Variants in TRPV1 observed in about 807,000 individuals in gnomAD.
TRPV1 encodes the protein transient receptor potential cation channel subfamily V member 1.
TRPV1 carries 82 observed loss-of-function variants against 82.3 expected under a neutral mutation model. The ratio of observed to expected loss-of-function variants is 1.00; its 90% CI spans 0.83 to 1.20. The LOEUF (loss-of-function observed/expected upper bound fraction) is 1.20, where lower values mean the gene tolerates loss of function less well. Among genes scored for constraint, TRPV1 ranks in the 50% most tolerant of loss-of-function variants. The pLI is 0.00. For missense variants in TRPV1, 1,067 were observed against 1,096.8 expected, an observed-to-expected ratio of 0.97 and a Z score of 0.38; for synonymous variants, 515 against 467.7, an observed-to-expected ratio of 1.10 and a Z score of -1.30.
At chr17:3,581,405 G>A (rs1195356695) in intron 10 of TRPV1, among the ~76,000 whole-genome samples, 2 of 152,116 alleles carry the variant, frequency 1.3e-5, no homozygotes, top group African/African-American at 2.4e-5. Flanking sequence ...GGCCAATCCT[G>A]CTTTTGCCAT....
intron 15 of TRPV1, 120 bp from the exon 16 acceptor site, chr17:3,571,759 G>A: frequency 1.4e-6 from 1 of 736,092 alleles, no homozygotes; most frequent in Non-Finnish European, 2.3e-6. Flanking sequence ...GTGGGTCGGG[G>A]AGGGCAGAGA....
In TRPV1 at chr17:3,604,603, C is replaced by CAA. The variant is rs61400031; in HGVS notation, c.-34+3822_-34+3823dup. On this transcript the variant is annotated intron_variant, in intron 2 of 16. Coordinates refer to ENST00000572705, the MANE Select transcript of TRPV1 (RefSeq NM_080704.4). ...ACAGAGGAAGACTCTCAAAAAGTCTCAAAAAAAAAAAAAGAAAAAGAAAAA... is the reference window on the plus strand; with the variant it reads ...ACAGAGGAAGACTCTCAAAAAGTCTCAAAAAAAAAAAAAAAGAAAAAGAAAAA... 7.9e-3 allele frequency among the ~76,000 whole-genome samples: 919 copies of CAA among 116,702 alleles called. 2 individuals carry two copies. Among genetic ancestry groups the CAA allele is most frequent in the Middle Eastern group, 0.014 (3 of 214 alleles). 76.6% of individuals were successfully genotyped at this position (116,702 alleles called of 152,430 possible). A position where few individuals can be genotyped will look rare whatever the true frequency, so the allele number is the denominator to read the frequency against.
chr17:3,582,777 G>A (rs2075037527), intron 10 of TRPV1, among the ~76,000 whole-genome samples: 1 of 151,866 alleles, frequency 6.6e-6, no homozygotes, highest in Admixed American at 6.6e-5. Flanking sequence ...GGCCAACATG[G>A]TGAAACCCCA....
chr17:3,586,002 C>T, intron 8 of TRPV1, 76 bp from the exon 9 acceptor site: 15 of 1,568,202 alleles, frequency 9.6e-6, no homozygotes, highest in Non-Finnish European at 4.3e-6. Context: ...CCCGTGGTGC[C>T]CCTCACAGCC....
At chr17:3,600,596 C>A (rs2075253885) in intron 2 of TRPV1, among the ~76,000 whole-genome samples, 1 of 151,894 alleles carries the variant, frequency 6.6e-6, no homozygotes, top group Non-Finnish European at 1.5e-5. Flanking sequence ...TTAAAAAAAA[C>A]AAAACGAAAC....
chr17:3,599,591 T>C (rs1386244845), intron 2 of TRPV1, among the ~76,000 whole-genome samples: 4 of 152,000 alleles, frequency 2.6e-5, no homozygotes, highest in African/African-American at 9.7e-5. Flanking sequence ...TCAAGGTTCA[T>C]CCATGTAGTA....
chr17:3,591,934 TG>T (rs2150849739), intron 3 of TRPV1, 132 bp downstream of exon 3: 1 of 1,322,940 alleles, frequency 7.6e-7, no homozygotes, highest in Non-Finnish European at 1.0e-6. Context: ...GGAAGGACGC[TG>T]GACCAGACCA....
Position 3,585,825 on chromosome 17 carries a change from G to T in TRPV1, c.1326C>A (p.Tyr442Ter). Residue 442 changes from tyrosine to a stop codon, truncating the protein, a stop_gained, in exon 9 of 17, where the codon TAC (tyrosine) becomes TAA (stop). Coordinates refer to ENST00000572705, the MANE Select transcript of TRPV1 (RefSeq NM_080704.4). LOFTEE classifies it high-confidence loss of function. ...TGGTGAAGATGATCATGTACAGGCA[G>T]TAGACCAGGAAGTTGAAGTAGAAGA... ...KRIFYFNFLV[Y>*]CLYMIIFTMA... is the part of the protein sequence containing the mutation. The T allele has an allele frequency of 1.2e-6, 2 of 1,613,930 alleles. No individual in the cohort carries two copies. The highest frequency in any genetic ancestry group is 4.5e-5 in the East Asian group (2 of 44,878).
At chr17:3,569,963 GGGTCAGGGAGGAGGGGCCAAGC>G (rs749699812) in intron 16 of TRPV1, among the ~76,000 whole-genome samples, 5,810 of 95,702 alleles carry the variant, frequency 0.061, 439 homozygotes, top group African/African-American at 0.15. Context: ...AGGGGCCAAG[GGGTCAGGGAGGAGGGGCCAAGC>G]GGTCAGGGAG....
intron 2 of TRPV1, among the ~76,000 whole-genome samples, chr17:3,595,022 A>G (rs3744684): frequency 0.22 from 32,827 of 152,076 alleles, 4,025 homozygotes; most frequent in South Asian, 0.28. Flanking sequence ...TGCATGGATG[A>G]TGCTTTGGAA....
intron 11 of TRPV1, among the ~76,000 whole-genome samples, chr17:3,579,537 G>A (rs1354513577): frequency 6.6e-6 from 1 of 152,100 alleles, no homozygotes; most frequent in Non-Finnish European, 1.5e-5. Flanking sequence ...ATGCAATGGC[G>A]CGATCTGGGC....
At chr17:3,583,285 G>A in intron 10 of TRPV1, 53 bp downstream of exon 10, 1 of 1,470,576 alleles carries the variant, frequency 6.8e-7, no homozygotes, top group South Asian at 1.2e-5. Context: ...GGATCTTCTT[G>A]GCTTTTTGTT....
At chr17:3,580,650 G>A in intron 10 of TRPV1, 123 bp from the exon 11 acceptor site, 1 of 1,007,908 alleles carries the variant, frequency 9.9e-7, no homozygotes, top group Non-Finnish European at 1.5e-6. Context: ...CACAGATTGT[G>A]AAAAGAGCAG....
chr17:3,591,305 C>A lies in TRPV1; in HGVS notation c.333G>T (p.Arg111Ser). ...CAAAGATACTCCTGCGATCATAGAG[C>A]CTGAGGGTCTTCTCGGTGCTGGCGG... The part of the protein sequence containing the change: ...SVAASTEKTL[R>S]LYDRRSIFEA... Residue 111 changes from arginine to serine, a missense_variant, in exon 4 of 17, where the codon AGG (arginine) becomes AGT (serine). Coordinates refer to ENST00000572705, the MANE Select transcript of TRPV1 (RefSeq NM_080704.4). 2 of 1,607,060 alleles carry A rather than the reference C, an allele frequency of 1.2e-6. No homozygotes were observed. Among genetic ancestry groups the A allele is most frequent in the South Asian group, 1.1e-5 (1 of 90,692 alleles).
intron 2 of TRPV1, among the ~76,000 whole-genome samples, chr17:3,602,873 G>A (rs1207663834): frequency 2.6e-5 from 4 of 152,226 alleles, no homozygotes; most frequent in Admixed American, 1.3e-4. Flanking sequence ...CGTAATCCCA[G>A]CACTTTGGGA....
intron 3 of TRPV1, among the ~76,000 whole-genome samples, 156 bp downstream of exon 3, chr17:3,591,911 C>T (rs757068627): frequency 3.3e-5 from 5 of 152,200 alleles, no homozygotes; most frequent in African/African-American, 7.2e-5. Context: ...GCACATCCCA[C>T]GAGGTCACAT....
At chr17:3,567,389 AAAG>A (rs1567654851) in intron 16 of TRPV1, among the ~76,000 whole-genome samples, 18 of 149,494 alleles carry the variant, frequency 1.2e-4, no homozygotes, top group East Asian at 1.0e-3. Context: ...AAAAAAAAAA[AAAG>A]AAGAAGAAGA....
At chr17:3,581,895 A>G (rs1037462235) in intron 10 of TRPV1, among the ~76,000 whole-genome samples, 1 of 143,536 alleles carries the variant, frequency 7.0e-6, no homozygotes, top group Non-Finnish European at 1.5e-5. Context: ...AGAAAAAAAA[A>G]AAAATCACAA....
At chr17:3,584,402 C>CAAAAAAAAAAAAAAAAAAAAAAAAAA (rs1447579699) in intron 9 of TRPV1, among the ~76,000 whole-genome samples, 2 of 16,746 alleles carry the variant, frequency 1.2e-4, no homozygotes, top group African/African-American at 4.6e-4. Flanking sequence ...GACTCTGTCT[C>CAAAAAAAAAAAAAAAAAAAAAAAAAA]AAAAAAAAAA....
Sources: gnomAD v4.1 joint callset for allele counts (sites outside exome capture counted in the v4.1 genomes callset) on GRCh38, gnomAD v4.1.1 for gene constraint, MANE v1.5 for transcripts, NCBI Gene and HGNC (gene_info 2026-07-23, HGNC 2026-07-21) for gene names.